Variants in SDK2 observed in about 807,000 individuals in gnomAD.
SDK2 encodes the protein protein sidekick-2.
Under a neutral mutation model 253.9 loss-of-function variants are expected in SDK2, and 105 were observed. That is an observed-to-expected ratio of 0.41 (90% CI 0.35 to 0.49). The LOEUF is 0.49. SDK2 is among the 20% of genes least tolerant of loss of function. The pLI is 0.06. For missense variants in SDK2, 2,608 were observed against 3,003.0 expected (o/e 0.87, Z 3.07); for synonymous variants, 1,249 against 1,234.9 (o/e 1.01, Z -0.24).
chr17:73,375,330 C>T (rs551035552), intron 36 of SDK2, among the ~76,000 whole-genome samples: 10 of 143,476 alleles, frequency 7.0e-5, no homozygotes, highest in African/African-American at 1.3e-4. Context: ...CACCCTCACT[C>T]GGCCGGGCTC....
intron 2 of SDK2, among the ~76,000 whole-genome samples, chr17:73,472,473 G>A (rs1247747891): frequency 6.6e-6 from 1 of 152,188 alleles, no homozygotes; most frequent in African/African-American, 2.4e-5. Context: ...AGCAGGGAAG[G>A]TGCTGCACCC....
chr17:73,483,629 ATG>A (rs1330086112), intron 2 of SDK2, among the ~76,000 whole-genome samples: 3 of 98,468 alleles, frequency 3.0e-5, no homozygotes, highest in Non-Finnish European at 6.2e-5. Flanking sequence ...ATATATGTAT[ATG>A]TATATATATA....
rs1240164215 is a variant in SDK2 at position 73,639,293 on chromosome 17, A to G, written c.64+4732T>C. On this transcript the variant is annotated intron_variant, in intron 1 of 44. Transcript: ENST00000392650. The surrounding 1 kb of genome is among the most constrained non-coding windows in gnomAD (Gnocchi z 4.3). ...GGCTCAGCAAGAGGCTTTTTGGTCCAGGCACCAGGCCCAGGGAGTCTGAGG... is the reference window on the plus strand; with the variant it reads ...GGCTCAGCAAGAGGCTTTTTGGTCCGGGCACCAGGCCCAGGGAGTCTGAGG... Among the ~76,000 whole-genome samples the G allele has an allele frequency of 3.3e-5, 5 of 152,102 alleles. No individual in the cohort carries two copies. The East Asian group carries it at 5.8e-4, about 18-fold the overall frequency.
intron 1 of SDK2, among the ~76,000 whole-genome samples, chr17:73,627,167 C>G (rs916292096): frequency 2.0e-5 from 3 of 152,062 alleles, no homozygotes; most frequent in Admixed American, 2.0e-4. Flanking sequence ...ACATGTGAGG[C>G]GCTTAGAACA....
chr17:73,637,967 T>C (rs763152281), intron 1 of SDK2, among the ~76,000 whole-genome samples: 2 of 152,192 alleles, frequency 1.3e-5, no homozygotes, highest in Non-Finnish European at 2.9e-5. Context: ...GAGCAGGGAC[T>C]CCTGTCTCAA....
intron 1 of SDK2, among the ~76,000 whole-genome samples, chr17:73,635,322 T>C (rs945118047): frequency 6.6e-6 from 1 of 152,118 alleles, no homozygotes. Flanking sequence ...TGCTGTCCCG[T>C]CTGGGCCCCT....
At chr17:73,482,734 G>C (rs1194805347) in intron 2 of SDK2, among the ~76,000 whole-genome samples, 1 of 152,256 alleles carries the variant, frequency 6.6e-6, no homozygotes, top group Non-Finnish European at 1.5e-5. Flanking sequence ...GAAAGCAAAG[G>C]AGAGAGCTGA....
intron 2 of SDK2, among the ~76,000 whole-genome samples, chr17:73,504,824 G>A (rs1567811276): frequency 6.6e-6 from 1 of 152,150 alleles, no homozygotes; most frequent in Non-Finnish European, 1.5e-5. Flanking sequence ...TGAGACCCTT[G>A]ATGGTCTAGC....
At chr17:73,408,524 G>C (rs2063099986) in intron 18 of SDK2, among the ~76,000 whole-genome samples, 1 of 152,108 alleles carries the variant, frequency 6.6e-6, no homozygotes, top group South Asian at 2.1e-4. Context: ...ACACCCCGAA[G>C]TAAAATATTT....
rs28462117 is a variant in SDK2, at chr17:73,612,060, G to A, written c.64+31965C>T. 8.6e-4 allele frequency among the ~76,000 whole-genome samples: 131 copies of A among 152,324 alleles called. No individual in the cohort carries two copies. Among genetic ancestry groups the A allele is most frequent in the African/African-American group, 2.8e-3 (118 of 41,556 alleles). ...AGGGAAGTCTCCCCACAGTACAGTT[G>A]TGAATTAAACATGTGGCCTAATGAG... On this transcript the variant is annotated intron_variant, in intron 1 of 44. Coordinates refer to ENST00000392650, the MANE Select transcript of SDK2 (RefSeq NM_001144952.2). This position sits in a 1 kb window ranked among gnomAD's most constrained non-coding sequence, Gnocchi z 4.4.
chr17:73,348,189 G>A lies in SDK2; in HGVS notation c.6165+410C>T, dbSNP rs374713009. On this transcript the variant is annotated intron_variant, in intron 44 of 44. Coordinates refer to ENST00000392650, the MANE Select transcript of SDK2 (RefSeq NM_001144952.2). The stretch of plus-strand genomic sequence containing the variant: ...TTTGTTTCTGAAGCTGTTTTGATGC[G>A]TGAGTAGTGAAGCTGAGCATTTTTC... Among the ~76,000 whole-genome samples the A allele has an allele frequency of 7.7e-4, 118 of 152,340 alleles. 1 individual carries two copies. The highest frequency in any genetic ancestry group is 2.5e-3 in the African/African-American group (106 of 41,574).
rs1188169326 is a variant in SDK2, at chr17:73,483,639, A to ATGTGTGTGTGTGTGTGTGTG, written c.225-11422_225-11421insCACACACACACACACACACA. On this transcript the variant is annotated intron_variant, in intron 2 of 44. Transcript: ENST00000392650. ...TGTATATATATGTATATGTATATAT[A>ATGTGTGTGTGTGTGTGTGTG]TATGTGTGTGTGTGTGTGTGTGTAT... Among the ~76,000 whole-genome samples the ATGTGTGTGTGTGTGTGTGTG allele has an allele frequency of 3.7e-4, 18 of 48,228 alleles. 3 individuals carry two copies. The highest frequency in any genetic ancestry group is 9.3e-3 in the Middle Eastern group (1 of 108). 31.6% of individuals were successfully genotyped at this position (48,228 alleles called of 152,430 possible).
chr17:73,459,732 C>T (rs1401731351), intron 3 of SDK2, among the ~76,000 whole-genome samples: 1 of 151,654 alleles, frequency 6.6e-6, no homozygotes. Context: ...CACAGTCTCG[C>T]TATGTTGCCC....
At chr17:73,489,949 A>AAAGAGGAC (rs1272308028) in intron 2 of SDK2, among the ~76,000 whole-genome samples, 3 of 152,202 alleles carry the variant, frequency 2.0e-5, no homozygotes, top group African/African-American at 7.2e-5. Flanking sequence ...TTTAACATCA[A>AAAGAGGAC]AAGAGGACAA....
At chr17:73,627,163 G>C (rs9891484) in intron 1 of SDK2, among the ~76,000 whole-genome samples, 53,868 of 152,070 alleles carry the variant, frequency 0.35, 9,808 homozygotes, top group African/African-American at 0.42. Flanking sequence ...TAATACATGT[G>C]AGGCGCTTAG....
chr17:73,427,642 CAAAAAAA>C (rs9302965), intron 12 of SDK2, among the ~76,000 whole-genome samples: 2 of 105,824 alleles, frequency 1.9e-5, no homozygotes, highest in Admixed American at 2.0e-4. Flanking sequence ...CATCCACATG[CAAAAAAA>C]AAAAAAAAAA....
chr17:73,401,840 G>C (rs2063029600), intron 19 of SDK2, 88 bp from the exon 20 acceptor site: 1 of 1,412,602 alleles, frequency 7.1e-7, no homozygotes, highest in Non-Finnish European at 9.7e-7. Context: ...GGTAATCTGG[G>C]GGTATCTCAG....
At chr17:73,624,305 GA>G (rs1403890960) in intron 1 of SDK2, among the ~76,000 whole-genome samples, 6 of 152,162 alleles carry the variant, frequency 3.9e-5, no homozygotes, top group African/African-American at 1.2e-4. Flanking sequence ...ACCAGCCTGG[GA>G]AACATGGCAA....
intron 2 of SDK2, among the ~76,000 whole-genome samples, chr17:73,492,219 G>A (rs1385108208): frequency 6.6e-6 from 1 of 152,170 alleles, no homozygotes; most frequent in African/African-American, 2.4e-5. Flanking sequence ...AGACCAGGGG[G>A]AATAATAATC....
Sources: allele counts gnomAD v4.1 joint callset (sites outside exome capture counted in the v4.1 genomes callset), GRCh38; gene constraint gnomAD v4.1.1; non-coding constraint Gnocchi (gnomAD v3.1); transcripts MANE v1.5; gene names NCBI Gene and HGNC (gene_info 2026-07-23, HGNC 2026-07-21).